Variants in LRP1B observed in about 807,000 individuals in gnomAD.
LRP1B encodes the protein LDL receptor related protein 1B, also known as low-density lipoprotein receptor-related protein 1B.
In LRP1B, 217 loss-of-function variants were observed where a neutral mutation model predicts 556.6. The ratio of observed to expected loss-of-function variants is 0.39; its 90% CI spans 0.35 to 0.44. The LOEUF (loss-of-function observed/expected upper bound fraction) is 0.44. Ranked by LOEUF, LRP1B falls within the 20% of genes least tolerant of loss-of-function variation. The pLI is 1.00. For missense variants in LRP1B, 5,053 were observed against 5,620.8 expected (o/e 0.90, Z 3.23); for synonymous variants, 2,047 against 1,865.8 (o/e 1.10, Z -2.50).
chr2:141,612,969 A>AT (rs397713874), intron 2 of LRP1B, among the ~76,000 whole-genome samples: 6,380 of 144,326 alleles, frequency 0.044, 224 homozygotes, highest in African/African-American at 0.098. Flanking sequence ...CACCCAGCTA[A>AT]TTTTTTTTTT....
chr2:140,405,434 A>C (rs1684688358), intron 66 of LRP1B, among the ~76,000 whole-genome samples: 1 of 152,198 alleles, frequency 6.6e-6, no homozygotes, highest in African/African-American at 2.4e-5. Flanking sequence ...GGTTCTTTGA[A>C]AAGATAAACA....
intron 1 of LRP1B, among the ~76,000 whole-genome samples, chr2:142,086,273 A>T (rs1188488773): frequency 6.6e-6 from 1 of 152,098 alleles, no homozygotes. Flanking sequence ...TGGATCCTCT[A>T]TGGGCATTTT....
At chr2:141,145,681 G>A (rs774895623) in intron 7 of LRP1B, among the ~76,000 whole-genome samples, 3 of 150,516 alleles carry the variant, frequency 2.0e-5, no homozygotes, top group East Asian at 2.0e-4. Flanking sequence ...TTATAGGCAC[G>A]CACCACCACG....
intron 2 of LRP1B, among the ~76,000 whole-genome samples, chr2:141,669,772 G>A (rs1489321963): frequency 1.3e-5 from 2 of 150,290 alleles, no homozygotes; most frequent in Admixed American, 1.3e-4. Context: ...GTGGGTGGGG[G>A]CATACAGAGT....
chr2:141,103,203 T>C (rs570972412), intron 7 of LRP1B, among the ~76,000 whole-genome samples: 3 of 152,096 alleles, frequency 2.0e-5, no homozygotes, highest in Non-Finnish European at 4.4e-5. Context: ...GATTCACTTA[T>C]ATGACTGGAA....
chr2:141,358,561 T>G (rs755900222), intron 3 of LRP1B, among the ~76,000 whole-genome samples: 4 of 152,236 alleles, frequency 2.6e-5, no homozygotes, highest in Non-Finnish European at 4.4e-5. Context: ...CCTACTTCTC[T>G]CTATTCTGCC....
chr2:142,115,292 A>C (rs1455978680), intron 1 of LRP1B, among the ~76,000 whole-genome samples: 2 of 150,456 alleles, frequency 1.3e-5, no homozygotes, highest in Non-Finnish European at 2.9e-5. Context: ...AGTGTTAGAA[A>C]ATAAGAAAGC....
rs183057180 is a variant in LRP1B, at chr2:141,600,106, T to C, written c.206-119573A>G. 7.9e-4 allele frequency among the ~76,000 whole-genome samples: 121 copies of C among 152,254 alleles called. 2 individuals carry two copies. In the East Asian group the frequency reaches 0.017, roughly 22 times the overall value. ...AACATCACAAATAAGTGAAAGCGAG[T>C]AGGTAGAAGATAGAGGTGGTGAAAA... On this transcript the variant is annotated intron_variant, in intron 2 of 90. Coordinates refer to ENST00000389484, the MANE Select transcript of LRP1B (RefSeq NM_018557.3).
intron 3 of LRP1B, among the ~76,000 whole-genome samples, chr2:141,309,079 G>A (rs1686712857): frequency 6.6e-6 from 1 of 152,134 alleles, no homozygotes; most frequent in South Asian, 2.1e-4. Context: ...ACATGGTTTG[G>A]CAAATCTTGT....
At chr2:141,947,850 C>A (rs1445809752) in intron 1 of LRP1B, among the ~76,000 whole-genome samples, 1 of 150,210 alleles carries the variant, frequency 6.7e-6, no homozygotes, top group Admixed American at 6.6e-5. Flanking sequence ...AGGATGTTTC[C>A]TGCACAAAGA....
At chr2:141,631,069 T>C (rs1240883005) in intron 2 of LRP1B, among the ~76,000 whole-genome samples, 1 of 152,152 alleles carries the variant, frequency 6.6e-6, no homozygotes, top group Non-Finnish European at 1.5e-5. Flanking sequence ...TGACTCACAG[T>C]TCTCCAAGGC....
At chr2:140,273,554 T>A (rs1001467714) in intron 85 of LRP1B, among the ~76,000 whole-genome samples, 7 of 152,158 alleles carry the variant, frequency 4.6e-5, no homozygotes, top group Admixed American at 1.3e-4. Flanking sequence ...TTGGGCCTTG[T>A]TTGGCAGAGC....
chr2:141,133,633 T>C (rs1274676111), intron 7 of LRP1B, among the ~76,000 whole-genome samples: 1 of 152,080 alleles, frequency 6.6e-6, no homozygotes, highest in Non-Finnish European at 1.5e-5. Context: ...AAGGAAGGAA[T>C]AGCTTTTGCT....
rs1241805070 is a variant in LRP1B, at chr2:140,242,056, T to G, written c.13325-2524A>C. Reference sequence around the variant, plus strand: ...GAAGAAAGAACTATAAGTGCTGTGTTGAAGAGCCCCTTTCCATAGGAGAGC... The same window carrying G: ...GAAGAAAGAACTATAAGTGCTGTGTGGAAGAGCCCCTTTCCATAGGAGAGC... On this transcript the variant is annotated intron_variant, in intron 87 of 90. Transcript: ENST00000389484. 6.0e-5 allele frequency among the ~76,000 whole-genome samples: 9 copies of G among 151,120 alleles called. No homozygotes were observed. In the East Asian group the frequency reaches 1.6e-3, roughly 26 times the overall value.
intron 6 of LRP1B, among the ~76,000 whole-genome samples, chr2:141,200,274 T>C (rs1681950921): frequency 6.6e-6 from 1 of 152,006 alleles, no homozygotes; most frequent in South Asian, 2.1e-4. Flanking sequence ...ACCAAGATCA[T>C]ATCCTTTGCA....
At chr2:140,294,910 G>A (rs9989840) in intron 84 of LRP1B, among the ~76,000 whole-genome samples, 8 of 151,988 alleles carry the variant, frequency 5.3e-5, no homozygotes, top group Non-Finnish European at 8.8e-5. Flanking sequence ...ATGAGTCTTG[G>A]TCTGTCGCCA....
At chr2:140,282,290 C>G (rs1463042879) in intron 84 of LRP1B, among the ~76,000 whole-genome samples, 1 of 151,716 alleles carries the variant, frequency 6.6e-6, no homozygotes, top group Non-Finnish European at 1.5e-5. Flanking sequence ...CTCCTACATG[C>G]CAGGCACATG....
chr2:141,049,297 A>G, intron 10 of LRP1B, 75 bp from the exon 11 acceptor site: 1 of 920,694 alleles, frequency 1.1e-6, no homozygotes, highest in Non-Finnish European at 1.7e-6. Flanking sequence ...GCCACCGTTT[A>G]ACTGGCACAA....
At chr2:141,347,482 A>G (rs114202646) in intron 3 of LRP1B, among the ~76,000 whole-genome samples, 1,592 of 151,754 alleles carry the variant, frequency 0.01, 29 homozygotes, top group African/African-American at 0.036. Flanking sequence ...TCTGAATAAC[A>G]ACAGGGAACT....
Sources: allele counts gnomAD v4.1 joint callset (sites outside exome capture counted in the v4.1 genomes callset), GRCh38; gene constraint gnomAD v4.1.1; transcripts MANE v1.5; gene names NCBI Gene and HGNC (gene_info 2026-07-23, HGNC 2026-07-21).